DHRSX: variants seen among roughly 807,000 people sequenced by gnomAD.
The protein encoded by DHRSX is polyprenol dehydrogenase.
DHRSX carries 31 observed loss-of-function variants against 34.0 expected under a neutral mutation model. The ratio of observed to expected loss-of-function variants is 0.91; its 90% CI spans 0.69 to 1.23. The LOEUF is 1.23. Among genes scored for constraint, DHRSX ranks in the 50% most tolerant of loss-of-function variants. The pLI is 0.00. For missense variants in DHRSX, 414 were observed against 428.1 expected (o/e 0.97, Z 0.29); for synonymous variants, 201 against 183.8 (o/e 1.09, Z -0.76).
intron 5 of DHRSX, among the ~76,000 whole-genome samples, chrX:2,262,446 CAT>C (rs1284729659): frequency 1.2e-4 from 18 of 152,240 alleles, no homozygotes; most frequent in South Asian, 2.1e-4. Flanking sequence ...ATGCACATCT[CAT>C]GTGTGCCCAC....
chrX:2,400,710 G>A (rs1233695572), intron 3 of DHRSX, among the ~76,000 whole-genome samples: 1 of 152,116 alleles, frequency 6.6e-6, no homozygotes, highest in African/African-American at 2.4e-5. Flanking sequence ...CACGTGGAAC[G>A]GGTCACAAAG....
chrX:2,231,164 G>T (rs2015867754), intron 6 of DHRSX, among the ~76,000 whole-genome samples: 1 of 152,116 alleles, frequency 6.6e-6, no homozygotes, highest in Non-Finnish European at 1.5e-5. Flanking sequence ...TTCTTTTTAG[G>T]GTGGCAGCCT....
At chrX:2,460,943 T>C (rs1278361682) in intron 1 of DHRSX, among the ~76,000 whole-genome samples, 3 of 151,990 alleles carry the variant, frequency 2.0e-5, no homozygotes, top group African/African-American at 7.3e-5. Flanking sequence ...GATCTCAAAC[T>C]CCTGGTCTCA....
At chrX:2,271,907 G>A (rs1375904231) in intron 4 of DHRSX, among the ~76,000 whole-genome samples, 1 of 152,068 alleles carries the variant, frequency 6.6e-6, no homozygotes, top group African/African-American at 2.4e-5. Flanking sequence ...CGGGCGTGGT[G>A]GTGCATGCCT....
rs1189697787 is a variant in DHRSX, at chrX:2,429,464, T to C, written c.110-4160A>G. Among the ~76,000 whole-genome samples, 4 of 138,582 alleles carry C rather than the reference T, an allele frequency of 2.9e-5. No individual in the cohort carries two copies. In the East Asian group the frequency reaches 7.9e-4, roughly 27 times the overall value. 90.9% of individuals were successfully genotyped at this position (138,582 alleles called of 152,430 possible). ...TTCTCTGTGATGCTTTTTTTTTTTT[T>C]TGAGCTGGGGTCTTACTACATTGCC... On this transcript the variant is annotated intron_variant, in intron 1 of 6. Coordinates refer to ENST00000334651, the MANE Select transcript of DHRSX (RefSeq NM_145177.3).
intron 3 of DHRSX, among the ~76,000 whole-genome samples, chrX:2,302,460 A>C (rs2042023840): frequency 1.3e-5 from 2 of 151,994 alleles, no homozygotes. Context: ...AAAAATACAA[A>C]AACTAGCCGG....
At chrX:2,391,522 C>A (rs1361034281) in intron 3 of DHRSX, among the ~76,000 whole-genome samples, 3 of 152,130 alleles carry the variant, frequency 2.0e-5, no homozygotes, top group African/African-American at 7.2e-5. Context: ...AAAAAATAAA[C>A]CCACCTAGGG....
chrX:2,496,910 A>C (rs1449274789), intron 1 of DHRSX, among the ~76,000 whole-genome samples: 1 of 149,554 alleles, frequency 6.7e-6, no homozygotes, highest in Non-Finnish European at 1.5e-5. Context: ...TAAAATATAA[A>C]AACAATAAAT....
At chrX:2,466,836 C>T (rs1289239572) in intron 1 of DHRSX, among the ~76,000 whole-genome samples, 6 of 152,068 alleles carry the variant, frequency 3.9e-5, no homozygotes, top group South Asian at 2.1e-4. Flanking sequence ...GAGGCCAAGG[C>T]GGGTGGATCA....
intron 6 of DHRSX, among the ~76,000 whole-genome samples, chrX:2,242,672 A>G (rs1357444043): frequency 6.6e-6 from 1 of 152,138 alleles, no homozygotes; most frequent in Non-Finnish European, 1.5e-5. Context: ...CGTGACGGCT[A>G]CATTCCCACC....
chrX:2,328,092 A>AAAAAAAAG (rs2042410650), intron 3 of DHRSX, among the ~76,000 whole-genome samples: 1 of 151,070 alleles, frequency 6.6e-6, no homozygotes. Flanking sequence ...AAAAAAAAAG[A>AAAAAAAAG]GGAGGAGATG....
chrX:2,298,785 A>G (rs2041975652), intron 3 of DHRSX, among the ~76,000 whole-genome samples: 1 of 152,002 alleles, frequency 6.6e-6, no homozygotes, highest in African/African-American at 2.4e-5. Flanking sequence ...CGGGAGTTCA[A>G]GACCAGCCTG....
chrX:2,434,423 C>G (rs902063982), intron 1 of DHRSX, among the ~76,000 whole-genome samples: 1 of 152,152 alleles, frequency 6.6e-6, no homozygotes, highest in Admixed American at 6.6e-5. Flanking sequence ...AATCCCAACA[C>G]TTTGAGAGGC....
rs775252460 is a variant in DHRSX at position 2,489,505 on chromosome X, C to T, written c.109+11312G>A. 16 of 1,613,290 alleles carry T rather than the reference C, an allele frequency of 9.9e-6. No homozygotes were observed. In the East Asian group the frequency reaches 3.1e-4, roughly 31 times the overall value. ...AGGCCGACAGCATCTCGGCCACCTG[C>T]TTGAAGGGCTGCAGGAGCTCCACCA... On this transcript the variant is annotated intron_variant, in intron 1 of 6. Coordinates refer to ENST00000334651, the MANE Select transcript of DHRSX (RefSeq NM_145177.3).
chrX:2,466,196 T>C (rs2124690757), intron 1 of DHRSX, among the ~76,000 whole-genome samples: 1 of 152,276 alleles, frequency 6.6e-6, no homozygotes, highest in East Asian at 1.9e-4. Flanking sequence ...CCCAGCACTT[T>C]GGGAGGCCGA....
chrX:2,479,522 T>A (rs1285338698), intron 1 of DHRSX, among the ~76,000 whole-genome samples: 1 of 149,924 alleles, frequency 6.7e-6, no homozygotes, highest in Non-Finnish European at 1.5e-5. Context: ...TCCGTAAGAA[T>A]GCGACCAGGG....
chrX:2,449,734 G>A (rs7891438), intron 1 of DHRSX, among the ~76,000 whole-genome samples: 21,993 of 152,052 alleles, frequency 0.14, 1,941 homozygotes, highest in African/African-American at 0.25. Flanking sequence ...GCTCACTGCA[G>A]CCTCCAACTC....
intron 4 of DHRSX, among the ~76,000 whole-genome samples, chrX:2,267,358 A>G (rs2124463883): frequency 6.6e-6 from 1 of 152,200 alleles, no homozygotes; most frequent in African/African-American, 2.4e-5. Flanking sequence ...AGCCTGCCCA[A>G]CATGGTGAAA....
intron 5 of DHRSX, among the ~76,000 whole-genome samples, chrX:2,257,558 C>T (rs1569480663): frequency 6.6e-6 from 1 of 152,166 alleles, no homozygotes; most frequent in East Asian, 1.9e-4. Context: ...TACGTCTCCC[C>T]AGATTCCTAT....
Sources: gnomAD v4.1 joint callset for allele counts (sites outside exome capture counted in the v4.1 genomes callset) on GRCh38, gnomAD v4.1.1 for gene constraint, MANE v1.5 for transcripts, NCBI Gene and HGNC (gene_info 2026-07-23, HGNC 2026-07-21) for gene names.